SEC14L5: variants seen among roughly 807,000 people sequenced by gnomAD.
SEC14L5 encodes SEC14-like protein 5.
Under a neutral mutation model 84.6 loss-of-function variants are expected in SEC14L5, and 96 were observed. The ratio of observed to expected loss-of-function variants is 1.13; its 90% CI spans 0.96 to 1.34. SEC14L5 has a LOEUF of 1.34. Ranked by LOEUF, SEC14L5 falls within the 40% of genes most tolerant of loss-of-function variation. The pLI is 0.00. For missense variants in SEC14L5, 1,224 were observed against 942.5 expected, an observed-to-expected ratio of 1.30 and a Z score of -3.91; for synonymous variants, 546 against 383.4, an observed-to-expected ratio of 1.42 and a Z score of -4.95.
chr16:4,992,860 G>A (rs972414497), intron 6 of SEC14L5, among the ~76,000 whole-genome samples: 2 of 152,138 alleles, frequency 1.3e-5, no homozygotes, highest in Admixed American at 6.5e-5. Context: ...ACACATATGT[G>A]TGTACATGCA....
chr16:4,975,314 T>C (rs936750043), intron 2 of SEC14L5, among the ~76,000 whole-genome samples: 2 of 151,214 alleles, frequency 1.3e-5, no homozygotes, highest in African/African-American at 4.9e-5. Context: ...CCACTAAAAG[T>C]ACAAAAAAAT....
At chr16:4,990,058 T>A (rs1955536127) in intron 4 of SEC14L5, among the ~76,000 whole-genome samples, 1 of 151,622 alleles carries the variant, frequency 6.6e-6, no homozygotes, top group Non-Finnish European at 1.5e-5. Context: ...AGATAACATA[T>A]AATATACAAC....
intron 2 of SEC14L5, among the ~76,000 whole-genome samples, chr16:4,982,988 T>G (rs1241104451): frequency 1.3e-5 from 2 of 152,064 alleles, no homozygotes; most frequent in African/African-American, 4.8e-5. Context: ...CTTAAACTAC[T>G]CATATATTTA....
At position 5,015,832 on chromosome 16, in the gene SEC14L5, C is replaced by A. The variant is rs1463142617; in HGVS notation, c.*862C>A. ...ACATCCTGAAGTGAAAATCCATGTT[C>A]CCTGCACTTGGCCAGCATGGCCTAA... On this transcript the variant is annotated 3_prime_UTR_variant, in exon 16 of 16. Coordinates refer to ENST00000251170, the MANE Select transcript of SEC14L5 (RefSeq NM_014692.2). 1 of 152,234 alleles carries A rather than the reference C, an allele frequency of 6.6e-6. No homozygotes were observed. The highest frequency in any genetic ancestry group is 1.5e-5 in the Non-Finnish European group (1 of 68,062). 9.4% of individuals were successfully genotyped at this position (152,234 alleles called of 1,614,324 possible).
chr16:4,999,626 C>A (rs1292236757), intron 8 of SEC14L5, among the ~76,000 whole-genome samples: 1 of 151,134 alleles, frequency 6.6e-6, no homozygotes, highest in Non-Finnish European at 1.5e-5. Flanking sequence ...CCTCAAAGAA[C>A]AAAGAGGCCA....
intron 14 of SEC14L5, among the ~76,000 whole-genome samples, chr16:5,010,639 C>A (rs145504797): frequency 8.5e-5 from 13 of 152,290 alleles, no homozygotes; most frequent in Non-Finnish European, 1.8e-4. Context: ...AACTTCTCAA[C>A]CCAGAGCAAC....
intron 10 of SEC14L5, among the ~76,000 whole-genome samples, chr16:5,002,848 C>T (rs1955691864): frequency 6.6e-6 from 1 of 152,240 alleles, no homozygotes; most frequent in African/African-American, 2.4e-5. Flanking sequence ...ATGCTCTCAG[C>T]ACCTCTGCTC....
At chr16:5,003,677 A>G in intron 11 of SEC14L5, 104 bp downstream of exon 11, 1 of 793,182 alleles carries the variant, frequency 1.3e-6, no homozygotes, top group South Asian at 2.0e-5. Context: ...CATTTCATTT[A>G]GTAACTTTTT....
rs200042173 is a variant in SEC14L5, at chr16:5,008,558, C to T, written c.1710C>T (p.Ser570=). The change falls in exon 14 of 16, where the codon AGC becomes AGT. Residue 570 remains serine, a synonymous_variant. Coordinates refer to ENST00000251170, the MANE Select transcript of SEC14L5 (RefSeq NM_014692.2). ...LGAREPGTRA[S]GQLIDKGWVL... Reference sequence around the variant, plus strand: ...CCCGGGAACCGGGGACCAGGGCCAGCGGGCAGCTGATCGACAAAGGCTGGG... The same window carrying T: ...CCCGGGAACCGGGGACCAGGGCCAGTGGGCAGCTGATCGACAAAGGCTGGG... 67 of 1,608,138 alleles carry T rather than the reference C, an allele frequency of 4.2e-5. No homozygotes were observed. The highest frequency in any genetic ancestry group is 2.5e-4 in the East Asian group (11 of 44,772).
chr16:4,998,409 C>G (rs1016475192), intron 8 of SEC14L5, among the ~76,000 whole-genome samples: 8 of 152,078 alleles, frequency 5.3e-5, no homozygotes, highest in African/African-American at 1.7e-4. Flanking sequence ...CCACTGAAGC[C>G]TGTGCCTACG....
chr16:5,005,881 AACCAT>A, intron 11 of SEC14L5, 28 bp from the exon 12 acceptor site: 1 of 1,511,346 alleles, frequency 6.6e-7, no homozygotes. Flanking sequence ...AAAAAAAAAA[AACCAT>A]CCATCTTGCC....
chr16:4,997,305 G>A (rs1433745198), intron 8 of SEC14L5, among the ~76,000 whole-genome samples: 3 of 152,190 alleles, frequency 2.0e-5, no homozygotes, highest in African/African-American at 7.2e-5. Flanking sequence ...TTGCCATTTT[G>A]ACCAGGCTGG....
rs1331018402 is a variant in SEC14L5, at chr16:4,987,718, T to G, written c.213+12T>G. 3 of 1,456,646 alleles carry G rather than the reference T, an allele frequency of 2.1e-6. No individual in the cohort carries two copies. The highest frequency in any genetic ancestry group is 2.7e-6 in the Non-Finnish European group (3 of 1,111,172). The allele number at this position is 1,456,646 out of a possible 1,614,324, so 90.2% of individuals were successfully genotyped here. The stretch of plus-strand genomic sequence containing the variant: ...GGCTGCTGCGGAAGGTGGGCGGCCC[T>G]GGGGCTGGGGGGCGGAGGAGGGGAC... On this transcript the variant is annotated intron_variant, in intron 3 of 15. Transcript: ENST00000251170.
At chr16:4,991,208 G>C (rs1596630431) in intron 5 of SEC14L5, among the ~76,000 whole-genome samples, 1 of 117,448 alleles carries the variant, frequency 8.5e-6, no homozygotes, top group Admixed American at 1.1e-4. Flanking sequence ...ATCATTGCTT[G>C]CTCTAAAGAC....
chr16:5,012,793 G>A (rs1023402004), intron 15 of SEC14L5, among the ~76,000 whole-genome samples: 1 of 152,034 alleles, frequency 6.6e-6, no homozygotes, highest in Non-Finnish European at 1.5e-5. Context: ...TACTCAGGAG[G>A]CTGAAGCAGG....
chr16:4,967,501 C>T (rs937796877), intron 2 of SEC14L5, among the ~76,000 whole-genome samples: 2 of 151,080 alleles, frequency 1.3e-5, no homozygotes, highest in African/African-American at 4.9e-5. Flanking sequence ...GGGAATCTGA[C>T]CCCACAGCCA....
intron 2 of SEC14L5, among the ~76,000 whole-genome samples, chr16:4,965,789 C>T (rs4405577): frequency 0.29 from 43,417 of 151,032 alleles, 6,313 homozygotes; most frequent in Admixed American, 0.36. Context: ...CGCATGTAAT[C>T]CCAGCACTTT....
intron 2 of SEC14L5, among the ~76,000 whole-genome samples, chr16:4,981,255 GTTTTTTTTT>G (rs58882220): frequency 1.5e-4 from 14 of 92,934 alleles, no homozygotes; most frequent in Non-Finnish European, 2.3e-4. Flanking sequence ...TAGCTAATTG[GTTTTTTTTT>G]TTTTTTTTTT....
At chr16:4,998,509 C>T (rs944049904) in intron 8 of SEC14L5, among the ~76,000 whole-genome samples, 3 of 149,794 alleles carry the variant, frequency 2.0e-5, no homozygotes, top group South Asian at 4.2e-4. Context: ...GAGGCCGAGG[C>T]GGGCGGATCA....
Sources: gnomAD v4.1 joint callset for allele counts (sites outside exome capture counted in the v4.1 genomes callset) on GRCh38, gnomAD v4.1.1 for gene constraint, MANE v1.5 for transcripts, NCBI Gene and HGNC (gene_info 2026-07-23, HGNC 2026-07-21) for gene names.